Variants in OR2L13 observed in about 807,000 individuals in gnomAD.
OR2L13 encodes the protein olfactory receptor 2L13.
In OR2L13, 14 loss-of-function variants were observed where a neutral mutation model predicts 15.3. The ratio of observed to expected loss-of-function variants is 0.91; its 90% CI spans 0.60 to 1.43. The LOEUF (loss-of-function observed/expected upper bound fraction) is 1.43. Among genes scored for constraint, OR2L13 ranks in the 40% most tolerant of loss-of-function variants. The pLI is 0.00. For missense variants in OR2L13, 367 were observed against 387.9 expected (o/e 0.95, Z 0.45); for synonymous variants, 152 against 142.9 (o/e 1.06, Z -0.45).
the OR2L13 span, among the ~76,000 whole-genome samples, chr1:248,031,173 T>C: frequency 6.6e-6 from 1 of 152,280 alleles, no homozygotes; most frequent in East Asian, 1.9e-4. Flanking sequence ...ATAATAAATA[T>C]CCTCTTTGCA....
the OR2L13 span, among the ~76,000 whole-genome samples, chr1:248,033,084 T>G: frequency 1.3e-5 from 2 of 152,190 alleles, no homozygotes; most frequent in African/African-American, 4.8e-5. Context: ...AATGTATATT[T>G]TACTTATAAT....
At chr1:248,074,914 G>A in the OR2L13 span, among the ~76,000 whole-genome samples, 1 of 152,168 alleles carries the variant, frequency 6.6e-6, no homozygotes, top group African/African-American at 2.4e-5. Flanking sequence ...GGGTATATGT[G>A]CACAATGTGC....
chr1:247,965,449 T>G, the OR2L13 span: 1 of 1,613,838 alleles, frequency 6.2e-7, no homozygotes, highest in African/African-American at 1.3e-5. Flanking sequence ...CTGGATAAAC[T>G]CTCTTCTCTT....
chr1:248,099,944 A>T, exon 3 of OR2L13: 1 of 1,614,032 alleles, frequency 6.2e-7, no homozygotes, highest in African/African-American at 1.3e-5. Context: ...GCCTGTACAG[A>T]TACTTGGGTC....
At chr1:248,010,577 T>A in the OR2L13 span, among the ~76,000 whole-genome samples, 5 of 151,758 alleles carry the variant, frequency 3.3e-5, no homozygotes, top group African/African-American at 1.2e-4. Context: ...TTTGTAGGTC[T>A]CTAAGAACTT....
chr1:247,980,500 A>G, the OR2L13 span, among the ~76,000 whole-genome samples: 1 of 152,222 alleles, frequency 6.6e-6, no homozygotes, highest in African/African-American at 2.4e-5. Flanking sequence ...TTCATAAACT[A>G]TTAGAGACAC....
the OR2L13 span, among the ~76,000 whole-genome samples, chr1:248,032,526 A>G: frequency 6.6e-6 from 1 of 152,000 alleles, no homozygotes; most frequent in Admixed American, 6.6e-5. Flanking sequence ...CCCTTCCCCC[A>G]TCCCCAGGGG....
At chr1:248,000,898 C>T in the OR2L13 span, among the ~76,000 whole-genome samples, 1 of 151,936 alleles carries the variant, frequency 6.6e-6, no homozygotes, top group Admixed American at 6.6e-5. Flanking sequence ...CAATTATTTA[C>T]CACTTATATG....
the OR2L13 span, among the ~76,000 whole-genome samples, chr1:247,962,803 A>C: frequency 2.1e-4 from 32 of 152,302 alleles, no homozygotes; most frequent in Admixed American, 5.2e-4. Flanking sequence ...TCCAGGAAAA[A>C]TACTCCTAAA....
chr1:248,041,345 T>C, the OR2L13 span: 1 of 152,096 alleles, frequency 6.6e-6, no homozygotes, highest in African/African-American at 2.4e-5. Context: ...TTACACCTTA[T>C]ACAAAAATCA....
At chr1:247,983,813 A>C in the OR2L13 span, among the ~76,000 whole-genome samples, 1 of 152,252 alleles carries the variant, frequency 6.6e-6, no homozygotes, top group Non-Finnish European at 1.5e-5. Context: ...GGTAGAAAGA[A>C]AGTGACTTTT....
At chr1:248,057,493 T>C in the OR2L13 span, among the ~76,000 whole-genome samples, 1 of 152,202 alleles carries the variant, frequency 6.6e-6, no homozygotes, top group East Asian at 1.9e-4. Context: ...GCTTGGTAAA[T>C]TTTTCTCTAT....
the OR2L13 span, among the ~76,000 whole-genome samples, chr1:248,064,521 A>G: frequency 6.6e-6 from 1 of 152,188 alleles, no homozygotes. Context: ...AGACCAAGAC[A>G]CAATACCTGC....
the OR2L13 span, among the ~76,000 whole-genome samples, chr1:248,036,882 T>C: frequency 6.6e-6 from 1 of 152,172 alleles, no homozygotes; most frequent in Non-Finnish European, 1.5e-5. Context: ...AACAAAAAAT[T>C]GATAAATATA....
chr1:248,053,110 G>A, the OR2L13 span, among the ~76,000 whole-genome samples: 3 of 151,852 alleles, frequency 2.0e-5, no homozygotes, highest in East Asian at 1.9e-4. Context: ...CCCCTCCACC[G>A]CCCTCCCACA....
the OR2L13 span, among the ~76,000 whole-genome samples, chr1:248,089,302 C>G: frequency 2.6e-5 from 4 of 152,256 alleles, no homozygotes; most frequent in African/African-American, 9.6e-5. Flanking sequence ...ACCCTCTGGG[C>G]AAGGAAATGT....
At chr1:248,067,608 G>C in the OR2L13 span, among the ~76,000 whole-genome samples, 2 of 152,218 alleles carry the variant, frequency 1.3e-5, no homozygotes, top group Non-Finnish European at 1.5e-5. Context: ...CTGAGGTACC[G>C]GGTTCATCTC....
At chr1:248,060,876 C>G in the OR2L13 span, 1 of 1,613,906 alleles carries the variant, frequency 6.2e-7, no homozygotes, top group African/African-American at 1.3e-5. Flanking sequence ...TTAGTCAGCT[C>G]TCCCTCATTG....
chr1:247,959,333 C>T, the OR2L13 span, among the ~76,000 whole-genome samples: 1 of 152,178 alleles, frequency 6.6e-6, no homozygotes. Flanking sequence ...GATGGGCTTC[C>T]CTTTATGGGT....
Sources: gnomAD v4.1 joint callset for allele counts (sites outside exome capture counted in the v4.1 genomes callset) on GRCh38, gnomAD v4.1.1 for gene constraint, MANE v1.5 for transcripts, NCBI Gene and HGNC (gene_info 2026-07-23, HGNC 2026-07-21) for gene names.